SPATA7: variants seen among roughly 807,000 people sequenced by gnomAD.
SPATA7 encodes spermatogenesis-associated protein 7.
Under a neutral mutation model 51.8 loss-of-function variants are expected in SPATA7, and 43 were observed. The observed-to-expected ratio is 0.83, with a 90% CI of 0.65 to 1.07. SPATA7 has a LOEUF of 1.07. Among genes scored for constraint, SPATA7 ranks in the 50% least tolerant of loss-of-function variants. The pLI, the probability that SPATA7 is intolerant of heterozygous loss-of-function variation, is 0.00. For missense variants in SPATA7, 683 were observed against 701.3 expected (o/e 0.97, Z 0.30); for synonymous variants, 230 against 252.8 (o/e 0.91, Z 0.86).
intron 4 of SPATA7, among the ~76,000 whole-genome samples, chr14:88,464,374 C>T (rs2077339720): frequency 6.6e-6 from 1 of 151,992 alleles, no homozygotes; most frequent in Non-Finnish European, 1.5e-5. Context: ...TAGCTTGTTC[C>T]ACATGAAATC....
chr14:88,416,992 C>T (rs2076497702), intron 5 of SPATA7, 148 bp downstream of exon 5: 10 of 661,710 alleles, frequency 1.5e-5, no homozygotes, highest in Non-Finnish European at 2.6e-5. Context: ...CTGTTCAGGC[C>T]TCTGTCACAA....
chr14:88,442,269 A>G (rs964975788), downstream of SPATA7, among the ~76,000 whole-genome samples: 8 of 151,978 alleles, frequency 5.3e-5, no homozygotes, highest in African/African-American at 1.9e-4. Flanking sequence ...GGCTCACTGC[A>G]ACTTCTGCCT....
At chr14:88,440,161 C>T (rs1168751198), downstream of SPATA7, among the ~76,000 whole-genome samples, 1 of 152,176 alleles carries the variant, frequency 6.6e-6, no homozygotes, top group African/African-American at 2.4e-5. Flanking sequence ...ACCTACTGGC[C>T]TGGCCCAAAT....
chr14:88,393,841 C>A (rs1167038343), intron 3 of SPATA7, among the ~76,000 whole-genome samples: 1 of 151,736 alleles, frequency 6.6e-6, no homozygotes, highest in Non-Finnish European at 1.5e-5. Flanking sequence ...TAATTTTTTT[C>A]TTTTGTCAGC....
In SPATA7 at chr14:88,469,880, T is replaced by C. The variant is rs774134214; in HGVS notation, c.*13T>C. 8.1e-6 allele frequency: 13 copies of C among 1,612,430 alleles called. No individual in the cohort carries two copies. The highest frequency in any genetic ancestry group is 1.1e-5 in the Non-Finnish European group (13 of 1,178,812). On this transcript the variant is annotated 3_prime_UTR_variant, in exon 5 of 5. Transcript: ENST00000556406. This position sits in a 1 kb window ranked among gnomAD's most constrained non-coding sequence, Gnocchi z 4.3. ...TCCAGATGATTAACATTAACTGTTC[T>C]TCAGAGGCTGAGAAAATCACTTAAG...
chr14:88,446,992 T>C (rs913400029), intron 3 of SPATA7, among the ~76,000 whole-genome samples: 2 of 152,226 alleles, frequency 1.3e-5, no homozygotes, highest in Non-Finnish European at 2.9e-5. Flanking sequence ...TGTAGATGTC[T>C]ATTATGTCTG....
intron 1 of SPATA7, among the ~76,000 whole-genome samples, chr14:88,386,454 G>T (rs1218320953): frequency 1.3e-5 from 2 of 152,122 alleles, no homozygotes; most frequent in African/African-American, 2.4e-5. Flanking sequence ...TAGGTCCCTT[G>T]GGGGTGGCTG....
intron 3 of SPATA7, among the ~76,000 whole-genome samples, chr14:88,395,354 A>G (rs1316054331): frequency 6.6e-6 from 1 of 152,020 alleles, no homozygotes; most frequent in African/African-American, 2.4e-5. Context: ...TATGATGCTT[A>G]TATTTTTAAA....
intron 9 of SPATA7, chr14:88,432,889 G>T: frequency 2.4e-6 from 1 of 423,018 alleles, no homozygotes; most frequent in Non-Finnish European, 4.2e-6. Flanking sequence ...GTTTTTTACT[G>T]CTATGGATGT....
chr14:88,455,188 T>C (rs1305287196), exon 4 of SPATA7: 12 of 432,370 alleles, frequency 2.8e-5, no homozygotes, highest in African/African-American at 1.8e-4. Context: ...CACTGTGAAA[T>C]TGATAGCAAA....
At chr14:88,468,908 G>A (rs370677934) in intron 4 of SPATA7, 38 of 1,613,742 alleles carry the variant, frequency 2.4e-5, no homozygotes, top group East Asian at 2.0e-4. Flanking sequence ...GATCATAAGC[G>A]CCATCACCTC....
At chr14:88,401,902 A>T (rs2076071551) in intron 4 of SPATA7, among the ~76,000 whole-genome samples, 1 of 151,010 alleles carries the variant, frequency 6.6e-6, no homozygotes, top group South Asian at 2.1e-4. Flanking sequence ...ATATATATGT[A>T]GAATACCCTA....
intron 3 of SPATA7, among the ~76,000 whole-genome samples, chr14:88,449,574 T>G (rs543741184): frequency 6.6e-6 from 1 of 152,336 alleles, no homozygotes; most frequent in African/African-American, 2.4e-5. Flanking sequence ...GAATGTTCTG[T>G]GAATATCTGT....
chr14:88,435,235 T>C (rs1032859240), intron 10 of SPATA7, among the ~76,000 whole-genome samples: 1 of 152,218 alleles, frequency 6.6e-6, no homozygotes, highest in Non-Finnish European at 1.5e-5. Flanking sequence ...GTGATAACTT[T>C]TAAATTATTA....
intron 4 of SPATA7, among the ~76,000 whole-genome samples, chr14:88,406,319 T>C (rs1285205102): frequency 6.6e-6 from 1 of 152,040 alleles, no homozygotes. Context: ...ATTTACAGAA[T>C]TGTGCAACCA....
At chr14:88,385,950 C>A (rs961497628) in intron 1 of SPATA7, 113 bp downstream of exon 1, 1 of 1,537,178 alleles carries the variant, frequency 6.5e-7, no homozygotes, top group Non-Finnish European at 8.7e-7. Context: ...CGCTTCCTAC[C>A]CCTGGCTGAG....
downstream of SPATA7, among the ~76,000 whole-genome samples, chr14:88,441,130 A>T (rs1325730069): frequency 6.6e-6 from 1 of 152,094 alleles, no homozygotes; most frequent in Non-Finnish European, 1.5e-5. Flanking sequence ...CTCCAATTCC[A>T]TCTAGGTTGC....
At chr14:88,435,379 C>T (rs779164933) in intron 10 of SPATA7, among the ~76,000 whole-genome samples, 4 of 152,020 alleles carry the variant, frequency 2.6e-5, no homozygotes, top group African/African-American at 4.8e-5. Flanking sequence ...GAAATAAGAA[C>T]GTCACGGAGA....
chr14:88,437,403 AT>A, intron 10 of SPATA7, 139 bp from the exon 11 acceptor site: 2 of 634,968 alleles, frequency 3.1e-6, no homozygotes, highest in Non-Finnish European at 5.6e-6. Flanking sequence ...ACAGGAAAGG[AT>A]TAGTCTTCAG....
Sources: allele counts gnomAD v4.1 joint callset (sites outside exome capture counted in the v4.1 genomes callset), GRCh38; gene constraint gnomAD v4.1.1; non-coding constraint Gnocchi (gnomAD v3.1); transcripts MANE v1.5; gene names NCBI Gene and HGNC (gene_info 2026-07-23, HGNC 2026-07-21).